PCDH11X: variants seen among roughly 807,000 people sequenced by gnomAD.
PCDH11X encodes protocadherin 11 X-linked, also known as protocadherin-11 X-linked.
Under a neutral mutation model 53.3 loss-of-function variants are expected in PCDH11X, and 18 were observed. The observed-to-expected ratio is 0.34, with a 90% CI of 0.23 to 0.50. The LOEUF is 0.50. Among genes scored for constraint, PCDH11X ranks in the 20% least tolerant of loss-of-function variants. The probability of loss-of-function intolerance (pLI) is 0.98; values close to 1 mark genes in which losing one functional copy is unlikely to be tolerated. For missense variants in PCDH11X, 570 were observed against 1,032.4 expected (o/e 0.55, Z 6.14); for synonymous variants, 279 against 393.3 (o/e 0.71, Z 3.44).
At chrX:91,864,954 C>T (rs749194953) in intron 5 of PCDH11X, among the ~76,000 whole-genome samples, 368 of 111,239 alleles carry the variant, frequency 3.3e-3, no homozygotes, top group Non-Finnish European at 5.0e-3. Context: ...GTTTCTTCAA[C>T]ACAGCTATTT....
intron 6 of PCDH11X, among the ~76,000 whole-genome samples, chrX:92,081,020 C>T (rs1259397777): frequency 9.1e-6 from 1 of 109,985 alleles, no homozygotes; most frequent in South Asian, 3.9e-4. Flanking sequence ...AAAGTCAGAC[C>T]GATCATGCAC....
intron 10 of PCDH11X, among the ~76,000 whole-genome samples, chrX:92,497,119 G>A (rs2073873830): frequency 9.0e-6 from 1 of 110,864 alleles, no homozygotes; most frequent in African/African-American, 3.3e-5. Flanking sequence ...GGCAAGTGGA[G>A]ATTTATAGCC....
intron 6 of PCDH11X, among the ~76,000 whole-genome samples, chrX:92,152,623 TACTG>T (rs2065454009): frequency 8.9e-6 from 1 of 111,956 alleles, no homozygotes; most frequent in Admixed American, 9.5e-5. Context: ...ATTCACAAAA[TACTG>T]ATAGAATAAT....
At chrX:92,149,400 G>A (rs192457575) in intron 6 of PCDH11X, among the ~76,000 whole-genome samples, 2 of 108,066 alleles carry the variant, frequency 1.9e-5, no homozygotes, top group African/African-American at 6.8e-5. Context: ...AAGGATATAG[G>A]CTGGAATGAG....
intron 6 of PCDH11X, among the ~76,000 whole-genome samples, chrX:92,001,570 G>A (rs1304665419): frequency 2.8e-5 from 3 of 106,645 alleles, no homozygotes; most frequent in African/African-American, 6.9e-5. Flanking sequence ...CTGGGTTCAA[G>A]AGATTCTCCT....
At position 92,618,266 on chromosome X, in the gene PCDH11X, G is replaced by C. The variant is rs147618108; in HGVS notation, c.3370G>C (p.Ala1124Pro). Residue 1124 changes from alanine to proline, a missense_variant and splice_region_variant, in exon 11 of 11, where the codon GCA (alanine) becomes CCA (proline). Physicochemically the swap from Ala to Pro is conservative, Grantham distance 27. This residue lies in a region of PCDH11X where 234 missense variants were observed against 296.1 expected (regional missense o/e 0.79). Transcript: ENST00000682573. ...STFIPGLKKA[A>P]EITVQPTVEE... Reference sequence around the variant, plus strand: ...TATTTTTTTCCTCACCCCAACAGCTGCAGAAATAACTGTTCAACCAACTGT... The same window carrying C: ...TATTTTTTTCCTCACCCCAACAGCTCCAGAAATAACTGTTCAACCAACTGT... The C allele has an allele frequency of 2.6e-3, 3,114 of 1,199,683 alleles. 71 individuals carry two copies. The East Asian group carries it at 0.054, about 21-fold the overall frequency.
rs575881377 is a variant in PCDH11X at position 91,901,154 on chromosome X, T to C, written c.3033+21881T>C. Among the ~76,000 whole-genome samples, 134 of 110,899 alleles carry C rather than the reference T, an allele frequency of 1.2e-3. 3 individuals carry two copies. The South Asian group carries it at 0.052, about 43-fold the overall frequency. The stretch of plus-strand genomic sequence containing the variant: ...AAAAATAATGTCAAACTCCCAGGTT[T>C]GTTGTGTAAATTAAATTAGATAACC... On this transcript the variant is annotated intron_variant, in intron 6 of 10. Coordinates refer to ENST00000682573, the MANE Select transcript of PCDH11X (RefSeq NM_032968.5).
chrX:92,113,531 G>T (rs1276137495), intron 6 of PCDH11X: 1 of 1,199,057 alleles, frequency 8.3e-7, no homozygotes, highest in Non-Finnish European at 1.1e-6. Context: ...ATCACGTCTC[G>T]CTCCTTTTGG....
chrX:92,498,287 A>T (rs1403978927), intron 10 of PCDH11X, among the ~76,000 whole-genome samples: 1 of 110,526 alleles, frequency 9.0e-6, no homozygotes, highest in Non-Finnish European at 1.9e-5. Flanking sequence ...CAGCAACAAA[A>T]TTAGCAAAAG....
intron 8 of PCDH11X, among the ~76,000 whole-genome samples, chrX:92,273,119 G>A (rs1483139645): frequency 8.9e-6 from 1 of 111,993 alleles, no homozygotes; most frequent in African/African-American, 3.2e-5. Context: ...CACCAAACAG[G>A]CTTTGTGTGA....
chrX:92,610,162 G>A (rs1927222536), intron 10 of PCDH11X, among the ~76,000 whole-genome samples: 1 of 111,776 alleles, frequency 8.9e-6, no homozygotes, highest in Non-Finnish European at 1.9e-5. Context: ...TGTTCTTTGA[G>A]AAATCTTCAA....
rs2072211912 is a variant in PCDH11X, at chrX:92,429,885, A to G, written c.3344-38414A>G. Among the ~76,000 whole-genome samples, 3 of 103,215 alleles carry G rather than the reference A, an allele frequency of 2.9e-5. No homozygotes were observed. In the Admixed American group the frequency reaches 3.2e-4, roughly 11 times the overall value. The allele number at this position is 103,215 out of a possible 115,157, so 89.6% of individuals were successfully genotyped here. ...TCTTAAAACTTCTAGTATGTTGTTA[A>G]ACAACAGAGAAATAAGCGCTCTGAG... On this transcript the variant is annotated intron_variant, in intron 9 of 10. Transcript: ENST00000682573.
chrX:91,994,612 A>G (rs2062380079), intron 6 of PCDH11X, among the ~76,000 whole-genome samples: 2 of 103,363 alleles, frequency 1.9e-5, no homozygotes, highest in African/African-American at 7.4e-5. Flanking sequence ...GAACATGAGA[A>G]CGTAGATATC....
intron 5 of PCDH11X, among the ~76,000 whole-genome samples, chrX:91,837,988 T>C: frequency 8.9e-6 from 1 of 111,914 alleles, no homozygotes; most frequent in Admixed American, 9.5e-5. Flanking sequence ...ATTTGGACAA[T>C]ACAAATTAAT....
intron 6 of PCDH11X, among the ~76,000 whole-genome samples, chrX:91,894,536 C>G: frequency 9.0e-6 from 1 of 111,568 alleles, no homozygotes; most frequent in Non-Finnish European, 1.9e-5. Flanking sequence ...CTCTTATTCC[C>G]TTTTAATCTG....
At chrX:92,054,674 G>A (rs1329133653) in intron 6 of PCDH11X, among the ~76,000 whole-genome samples, 1 of 109,937 alleles carries the variant, frequency 9.1e-6, no homozygotes, top group Non-Finnish European at 1.9e-5. Context: ...TACAAAATTA[G>A]CTGGGCATGG....
chrX:92,211,172 T>A (rs958589695), intron 7 of PCDH11X, among the ~76,000 whole-genome samples: 2 of 112,033 alleles, frequency 1.8e-5, no homozygotes, highest in African/African-American at 6.5e-5. Context: ...CGTCTCATGA[T>A]TCTGTGGGCT....
chrX:92,439,104 A>G (rs1284957920), intron 9 of PCDH11X, among the ~76,000 whole-genome samples: 1 of 109,037 alleles, frequency 9.2e-6, no homozygotes, highest in Non-Finnish European at 1.9e-5. Context: ...GACTATGCAT[A>G]AATATGTAAC....
At chrX:92,209,418 A>T (rs911615056) in intron 7 of PCDH11X, among the ~76,000 whole-genome samples, 1 of 112,261 alleles carries the variant, frequency 8.9e-6, no homozygotes, top group African/African-American at 3.2e-5. Flanking sequence ...GGCCCTACGC[A>T]AGTCCAAAAC....
Sources: gnomAD v4.1 joint callset for allele counts (sites outside exome capture counted in the v4.1 genomes callset) on GRCh38, gnomAD v4.1.1 for gene constraint, gnomAD v4.1.1 regional missense constraint, MANE v1.5 for transcripts, NCBI Gene and HGNC (gene_info 2026-07-23, HGNC 2026-07-21) for gene names.